The following CFAP92 variants were observed in gnomAD, a reference collection of about 807,000 sequenced individuals.
The protein encoded by CFAP92 is cilia and flagella associated protein 92 (putative), also known as uncharacterized protein CFAP92.
Under a neutral mutation model 106.3 loss-of-function variants are expected in CFAP92, and 86 were observed. The observed-to-expected ratio is 0.81, with a 90% confidence interval of 0.68 to 0.97. The LOEUF (loss-of-function observed/expected upper bound fraction) is 0.97. Ranked by LOEUF, CFAP92 falls within the 50% of genes least tolerant of loss-of-function variation. The pLI, the probability that CFAP92 is intolerant of heterozygous loss-of-function variation, is 0.00. For missense variants in CFAP92, 1,204 were observed against 1,283.8 expected (o/e 0.94, Z 0.95); for synonymous variants, 477 against 506.4 (o/e 0.94, Z 0.78).
rs143546065 is a variant in CFAP92 at position 128,932,332 on chromosome 3, T to C, written c.2751+368A>G. 1.0e-2 allele frequency among the ~76,000 whole-genome samples: 1,511 copies of C among 151,828 alleles called. 34 individuals are homozygous for C. The highest frequency in any genetic ancestry group is 0.035 in the African/African-American group (1,436 of 41,350). On this transcript the variant is annotated intron_variant, in intron 12 of 15. Transcript: ENST00000645291. ...AGATTAGTTTATGTCCCATGTTGCTTGGACATCTTATGACACTTATGCCCT... is the reference window on the plus strand; with the variant it reads ...AGATTAGTTTATGTCCCATGTTGCTCGGACATCTTATGACACTTATGCCCT...
At chr3:129,002,054 C>A in intron 1 of CFAP92, 3 of 1,540,266 alleles carry the variant, frequency 1.9e-6, no homozygotes, top group Non-Finnish European at 2.6e-6. Flanking sequence ...AGCTCACCTT[C>A]CGCCAGTTCC....
At chr3:128,914,388 G>A (rs1936639170) in intron 15 of CFAP92, among the ~76,000 whole-genome samples, 1 of 152,184 alleles carries the variant, frequency 6.6e-6, no homozygotes, top group African/African-American at 2.4e-5. Context: ...TGGAGAAAGT[G>A]ACATTTCAGC....
chr3:129,003,198 C>A (rs948395082), upstream of CFAP92: 17 of 984,548 alleles, frequency 1.7e-5, no homozygotes, highest in African/African-American at 3.5e-5. Context: ...AGGGTGGAGG[C>A]GGGAAACTAC....
intron 11 of CFAP92, among the ~76,000 whole-genome samples, chr3:128,934,143 G>A (rs1216772764): frequency 2.7e-5 from 4 of 146,432 alleles, no homozygotes; most frequent in Non-Finnish European, 1.5e-5. Context: ...TGTTCTTTAT[G>A]TCATCTCTGC....
chr3:129,010,313 T>A, the CFAP92 span, among the ~76,000 whole-genome samples: 2 of 152,002 alleles, frequency 1.3e-5, no homozygotes, highest in Non-Finnish European at 2.9e-5. This position sits in a 1 kb window ranked among gnomAD's most constrained non-coding sequence, Gnocchi z 4.3. Flanking sequence ...AGCAGCTGAG[T>A]CCCCTTGATG....
At chr3:129,010,773 G>A in the CFAP92 span, among the ~76,000 whole-genome samples, 1 of 152,314 alleles carries the variant, frequency 6.6e-6, no homozygotes, top group South Asian at 2.1e-4. This position sits in a 1 kb window ranked among gnomAD's most constrained non-coding sequence, Gnocchi z 4.3. Flanking sequence ...GGGTGTGTGG[G>A]TGGCCTTGGT....
At chr3:128,971,479 C>T (rs1942791231) in intron 7 of CFAP92, 46 bp from the exon 8 acceptor site, 4 of 1,452,978 alleles carry the variant, frequency 2.8e-6, no homozygotes, top group Admixed American at 2.2e-5. Context: ...GAGACTGTAT[C>T]TGAGCTGCCA....
At chr3:128,964,603 C>T (rs1942222854) in intron 9 of CFAP92, among the ~76,000 whole-genome samples, 1 of 152,196 alleles carries the variant, frequency 6.6e-6, no homozygotes, top group African/African-American at 2.4e-5. Context: ...TCCTTAGGCA[C>T]TCTCTAATCA....
chr3:128,994,965 T>C (rs537788761), upstream of CFAP92, among the ~76,000 whole-genome samples: 1 of 152,286 alleles, frequency 6.6e-6, no homozygotes, highest in Non-Finnish European at 1.5e-5. Context: ...GTGGCGAGGC[T>C]GTAGCAGTGT....
intron 9 of CFAP92, among the ~76,000 whole-genome samples, chr3:128,962,353 A>G (rs1038957706): frequency 2.0e-5 from 3 of 152,082 alleles, no homozygotes; most frequent in Admixed American, 1.3e-4. Flanking sequence ...GGGTATTGAC[A>G]GACAGGCTTC....
chr3:128,940,503 G>A (rs951008239), intron 10 of CFAP92, among the ~76,000 whole-genome samples: 5 of 152,032 alleles, frequency 3.3e-5, no homozygotes, highest in African/African-American at 1.2e-4. Flanking sequence ...TTGGACTTTT[G>A]GTTTCTACCC....
At chr3:128,944,431 C>T (rs945510385) in intron 10 of CFAP92, among the ~76,000 whole-genome samples, 3 of 152,122 alleles carry the variant, frequency 2.0e-5, no homozygotes, top group East Asian at 3.8e-4. Context: ...GCCTCAACTC[C>T]GGGACTCCCC....
At chr3:128,975,426 GGGATGGATGGATGGATGGATGGAT>G (rs142490124) in intron 7 of CFAP92, among the ~76,000 whole-genome samples, 2,924 of 149,046 alleles carry the variant, frequency 0.02, 106 homozygotes, top group African/African-American at 0.068. Context: ...TGGATGGATA[GGGATGGATGGATGGATGGATGGAT>G]GGATGGATGG....
intron 11 of CFAP92, among the ~76,000 whole-genome samples, chr3:128,933,643 G>T (rs1938654497): frequency 6.6e-6 from 1 of 152,188 alleles, no homozygotes; most frequent in Admixed American, 6.5e-5. Flanking sequence ...TCTGAATCTG[G>T]TTTCCTCACC....
At chr3:129,022,549 A>T in the CFAP92 span, among the ~76,000 whole-genome samples, 1 of 152,206 alleles carries the variant, frequency 6.6e-6, no homozygotes, top group South Asian at 2.1e-4. Context: ...AGCCTCCAGC[A>T]GGAGGAAGAC....
intron 3 of CFAP92, among the ~76,000 whole-genome samples, 186 bp downstream of exon 3, chr3:128,988,542 C>CA (rs367690550): frequency 1.2e-3 from 168 of 136,078 alleles, no homozygotes; most frequent in Admixed American, 1.3e-3. Context: ...TCTGACTCAA[C>CA]AAAAAAAAAA....
intron 15 of CFAP92, among the ~76,000 whole-genome samples, chr3:128,911,928 C>T (rs1215283999): frequency 2.0e-5 from 3 of 152,314 alleles, no homozygotes; most frequent in East Asian, 1.9e-4. Flanking sequence ...TCGTGCTCCC[C>T]GCTCTGTCTG....
intron 15 of CFAP92, among the ~76,000 whole-genome samples, chr3:128,913,783 G>C (rs77765426): frequency 6.6e-6 from 1 of 152,144 alleles, no homozygotes; most frequent in African/African-American, 2.4e-5. Flanking sequence ...TAACCTCTCA[G>C]TGAAACCTGA....
At chr3:128,948,091 G>C (rs932427358) in intron 9 of CFAP92, among the ~76,000 whole-genome samples, 1 of 152,088 alleles carries the variant, frequency 6.6e-6, no homozygotes, top group Admixed American at 6.6e-5. Flanking sequence ...AAAAATAAAA[G>C]AGAATGACAA....
Sources: allele counts gnomAD v4.1 joint callset (sites outside exome capture counted in the v4.1 genomes callset), GRCh38; gene constraint gnomAD v4.1.1; non-coding constraint Gnocchi (gnomAD v3.1); transcripts MANE v1.5; gene names NCBI Gene and HGNC (gene_info 2026-07-23, HGNC 2026-07-21).